Variants in GNL2 observed in about 807,000 individuals in gnomAD.
The protein encoded by GNL2 is nucleolar GTP-binding protein 2.
In GNL2, 51 loss-of-function variants were observed where a neutral mutation model predicts 92.3. The observed-to-expected ratio is 0.55, with a 90% CI of 0.44 to 0.70. GNL2 has a LOEUF of 0.70. Ranked by LOEUF, GNL2 falls within the 30% of genes least tolerant of loss-of-function variation. The probability of loss-of-function intolerance (pLI) is 0.00; values close to 1 mark genes in which losing one functional copy is unlikely to be tolerated. For synonymous variants in GNL2, 283 were observed against 300.6 expected (o/e 0.94, Z 0.61); for missense variants, 844 against 895.6 (o/e 0.94, Z 0.74).
At chr1:37,595,591 A>G (rs895455447) in intron 1 of GNL2, among the ~76,000 whole-genome samples, 168 bp downstream of exon 1, 1 of 152,104 alleles carries the variant, frequency 6.6e-6, no homozygotes, top group Non-Finnish European at 1.5e-5. Flanking sequence ...AGAAGAAACC[A>G]CCACAAATAT....
At chr1:37,581,334 A>T in intron 8 of GNL2, 1 of 455,928 alleles carries the variant, frequency 2.2e-6, no homozygotes, top group South Asian at 1.5e-5. Context: ...ATTCAAAATG[A>T]CAGGTACAGA....
chr1:37,589,127 G>T (rs1643872663), intron 4 of GNL2, among the ~76,000 whole-genome samples: 1 of 152,228 alleles, frequency 6.6e-6, no homozygotes, highest in African/African-American at 2.4e-5. Flanking sequence ...TGAGCAACTT[G>T]TCTGTGGTTC....
rs778964935 is a variant in GNL2 at position 37,590,720 on chromosome 1, G to A, written c.370C>T (p.Arg124Ter). ...CTACATCTTACATGAGGCCGGATTC[G>A]ATCATGGAGAAGAGACATTGGTAAC... ...SKLPMSLLHDRIRPHNLKVHI... is the reference protein window; with the variant it reads ...SKLPMSLLHD Residue 124 changes from arginine to a stop codon, truncating the protein, a stop_gained, in exon 4 of 16, where the codon CGA (arginine) becomes TGA (stop). Transcript: ENST00000373062. LOFTEE classifies it high-confidence loss of function. The A allele has an allele frequency of 5.0e-6, 8 of 1,613,328 alleles. No individual in the cohort carries two copies. Among genetic ancestry groups the A allele is most frequent in the East Asian group, 2.2e-5 (1 of 44,866 alleles).
chr1:37,595,464 C>T (rs1643915750), intron 1 of GNL2, among the ~76,000 whole-genome samples: 1 of 152,220 alleles, frequency 6.6e-6, no homozygotes, highest in African/African-American at 2.4e-5. Context: ...CTCTGCATCT[C>T]TCAACTGGAG....
chr1:37,574,665 C>T lies in GNL2; in HGVS notation c.1302G>A (p.Lys434=). The T allele has an allele frequency of 1.9e-6, 3 of 1,613,634 alleles. No homozygotes were observed. The highest frequency in any genetic ancestry group is 2.5e-6 in the Non-Finnish European group (3 of 1,179,782). ...TAAATTCTCACAAACGCCGGGTCAC[C>T]TTTAGTAACTTCCCAGTCCGGAAAG... ...KLAFRTGKLL[K]GGEPDLQTVG... Residue 434 remains lysine, a splice_region_variant and synonymous_variant, in exon 11 of 16, where the codon AAG becomes AAA. Transcript: ENST00000373062.
intron 3 of GNL2, 138 bp from the exon 4 acceptor site, chr1:37,590,983 A>G (rs145327789): frequency 1.3e-6 from 1 of 772,734 alleles, no homozygotes; most frequent in African/African-American, 1.8e-5. Flanking sequence ...AGCTGTTTTC[A>G]AACTTAAAAG....
Position 37,575,247 on chromosome 1 carries a change from C to A in GNL2, c.1143+348G>T, listed in dbSNP as rs111740043. Reference sequence around the variant, plus strand: ...GTGGAACCATTTACAGTTTTTCAGTCGTATTCAGAAACAAGTGAGGAAATG... The same window carrying A: ...GTGGAACCATTTACAGTTTTTCAGTAGTATTCAGAAACAAGTGAGGAAATG... On this transcript the variant is annotated intron_variant, in intron 10 of 15. Coordinates refer to ENST00000373062, the MANE Select transcript of GNL2 (RefSeq NM_013285.3). The surrounding 1 kb of genome is among the most constrained non-coding windows in gnomAD (Gnocchi z 4.1). Among the ~76,000 whole-genome samples, 272 of 152,286 alleles carry A rather than the reference C, an allele frequency of 1.8e-3. No homozygotes were observed. Among genetic ancestry groups the A allele is most frequent in the African/African-American group, 6.2e-3 (257 of 41,558 alleles).
At chr1:37,595,510 C>T (rs976445183) in intron 1 of GNL2, among the ~76,000 whole-genome samples, 1 of 152,214 alleles carries the variant, frequency 6.6e-6, no homozygotes, top group Non-Finnish European at 1.5e-5. Context: ...GTTCACTTTC[C>T]TTGACTTCAG....
intron 4 of GNL2, 132 bp from the exon 5 acceptor site, chr1:37,587,627 C>T: frequency 1.9e-6 from 1 of 539,876 alleles, no homozygotes; most frequent in Non-Finnish European, 3.2e-6. Context: ...ATCTGTAAGA[C>T]ATGGTTTCAG....
intron 12 of GNL2, among the ~76,000 whole-genome samples, chr1:37,573,358 C>A (rs207460090): frequency 6.6e-6 from 1 of 152,238 alleles, no homozygotes; most frequent in African/African-American, 2.4e-5. Flanking sequence ...TTTGAAGCCA[C>A]CATTTCAAGA....
chr1:37,592,571 G>A (rs1643894075), intron 3 of GNL2, 141 bp downstream of exon 3: 2 of 597,024 alleles, frequency 3.3e-6, no homozygotes, highest in Non-Finnish European at 6.1e-6. Flanking sequence ...ACTTTTCCCA[G>A]TAATTCTTCT....
At chr1:37,574,928 A>G in intron 10 of GNL2, 105 bp from the exon 11 acceptor site, 1 of 779,498 alleles carries the variant, frequency 1.3e-6, no homozygotes, top group Non-Finnish European at 2.1e-6. Context: ...CAACATCACA[A>G]AGCTCGTGGA....
chr1:37,578,706 C>T (rs79577074), intron 8 of GNL2, among the ~76,000 whole-genome samples: 259 of 152,114 alleles, frequency 1.7e-3, no homozygotes, highest in African/African-American at 6.0e-3. Context: ...CATAAGTGTG[C>T]ACCACTATGC....
intron 3 of GNL2, among the ~76,000 whole-genome samples, chr1:37,592,353 C>T (rs4652961): frequency 0.4 from 60,844 of 151,996 alleles, 13,271 homozygotes; most frequent in East Asian, 0.58. Flanking sequence ...GGCTAATGCA[C>T]TTACCCTGAA....
intron 4 of GNL2, among the ~76,000 whole-genome samples, chr1:37,589,835 C>T (rs896756040): frequency 6.6e-6 from 1 of 152,192 alleles, no homozygotes; most frequent in African/African-American, 2.4e-5. Flanking sequence ...GTGACCAGCA[C>T]CCCTTCCTTC....
At chr1:37,587,557 C>T in intron 4 of GNL2, 62 bp from the exon 5 acceptor site, 1 of 1,051,474 alleles carries the variant, frequency 9.5e-7, no homozygotes, top group Non-Finnish European at 1.4e-6. Flanking sequence ...GCAAAAAGCT[C>T]AACACCCACC....
At position 37,592,806 on chromosome 1, in the gene GNL2, C is replaced by A. The variant is rs55821696; in HGVS notation, c.150G>T (p.Arg50Ser). 6.4e-7 allele frequency: 1 copy of A among 1,568,282 alleles called. No homozygotes were observed. The highest frequency in any genetic ancestry group is 8.8e-7 in the Non-Finnish European group (1 of 1,138,628). Residue 50 changes from arginine (R) to serine (S), a missense_variant and splice_region_variant, in exon 3 of 16, where the codon AGG becomes AGT. Coordinates refer to ENST00000373062, the MANE Select transcript of GNL2 (RefSeq NM_013285.3). ...GTTTAATTATTTTACCACGACTGTT[C>A]CTAAATTGAGGAAAGAACAGATATT... is the stretch of plus-strand genomic sequence containing the variant. ...RLNMYRQKERRNSRGKIIKPL... is the reference protein window; with the variant it reads ...RLNMYRQKERSNSRGKIIKPL...
intron 3 of GNL2, among the ~76,000 whole-genome samples, chr1:37,591,713 G>A (rs1302394756): frequency 6.6e-6 from 1 of 151,966 alleles, no homozygotes; most frequent in African/African-American, 2.4e-5. Context: ...CACTGTGTTG[G>A]CCAGGCTGGT....
chr1:37,572,850 C>G (rs1643616501), intron 12 of GNL2, among the ~76,000 whole-genome samples: 1 of 152,160 alleles, frequency 6.6e-6, no homozygotes, highest in African/African-American at 2.4e-5. Context: ...CTTGTGGGGT[C>G]TGTGCTAACT....
Sources: allele counts gnomAD v4.1 joint callset (sites outside exome capture counted in the v4.1 genomes callset), GRCh38; gene constraint gnomAD v4.1.1; non-coding constraint Gnocchi (gnomAD v3.1); transcripts MANE v1.5; gene names NCBI Gene and HGNC (gene_info 2026-07-23, HGNC 2026-07-21).